Variants in RALA observed in about 807,000 individuals in gnomAD.
The protein encoded by RALA is ras-related protein Ral-A.
Under a neutral mutation model 24.0 loss-of-function variants are expected in RALA, and 5 were observed. The ratio of observed to expected loss-of-function variants is 0.21; its 90% CI spans 0.11 to 0.44. The LOEUF (loss-of-function observed/expected upper bound fraction) is 0.44, where lower values mean the gene tolerates loss of function less well. RALA is among the 20% of genes least tolerant of loss of function. RALA has a pLI of 0.99. For synonymous variants in RALA, 77 were observed against 83.8 expected, an observed-to-expected ratio of 0.92 and a Z score of 0.44; for missense variants, 95 against 241.2, an observed-to-expected ratio of 0.39 and a Z score of 4.01.
intron 1 of RALA, among the ~76,000 whole-genome samples, chr7:39,674,664 T>G (rs1792447911): frequency 2.0e-5 from 3 of 152,190 alleles, no homozygotes; most frequent in Admixed American, 2.0e-4. Flanking sequence ...TCCTAAGTGC[T>G]TGGGACCAGA....
chr7:39,680,573 CAA>C (rs746181300), intron 1 of RALA, among the ~76,000 whole-genome samples: 15 of 122,540 alleles, frequency 1.2e-4, no homozygotes, highest in Non-Finnish European at 1.6e-4. Context: ...GAGACTGTCT[CAA>C]AAAAAAAAAA....
chr7:39,702,072 A>T, intron 4 of RALA, among the ~76,000 whole-genome samples: 1 of 152,224 alleles, frequency 6.6e-6, no homozygotes, highest in East Asian at 1.9e-4. Context: ...TTTTATGTCG[A>T]GGGAAGAATT....
At chr7:39,668,160 AT>A (rs1240959140) in intron 1 of RALA, among the ~76,000 whole-genome samples, 1 of 152,220 alleles carries the variant, frequency 6.6e-6, no homozygotes, top group Non-Finnish European at 1.5e-5. Flanking sequence ...ACAATGAGAT[AT>A]TTTTCACAGT....
intron 1 of RALA, among the ~76,000 whole-genome samples, chr7:39,630,574 A>G (rs1791581449): frequency 6.6e-6 from 1 of 152,170 alleles, no homozygotes. Context: ...TTTTAGTCAT[A>G]TTCAGGAAAC....
In RALA at chr7:39,696,770, G is replaced by T; in HGVS notation, c.409G>T (p.Val137Phe). The change falls in exon 4 of 5, where the codon GTT becomes TTT. Residue 137 changes from valine to phenylalanine, a missense_variant. By Grantham distance (50) the Val-to-Phe change is conservative. Transcript: ENST00000005257. ...ATCAGATTTAGAAGATAAAAGACAG[G>T]TTTCTGTAGAAGAGGCAAAAAACAG... Reference protein sequence around the residue: ...NKSDLEDKRQVSVEEAKNRAE... With the variant: ...NKSDLEDKRQFSVEEAKNRAE... 1 of 1,613,326 alleles carries T rather than the reference G, an allele frequency of 6.2e-7. No individual in the cohort carries two copies. The highest frequency in any genetic ancestry group is 8.5e-7 in the Non-Finnish European group (1 of 1,179,354).
At chr7:39,677,947 T>C (rs1792517810) in intron 1 of RALA, among the ~76,000 whole-genome samples, 1 of 147,578 alleles carries the variant, frequency 6.8e-6, no homozygotes, top group Non-Finnish European at 1.5e-5. Context: ...AGATTCTGGA[T>C]ATTAGCCCTT....
At chr7:39,676,955 C>A (rs1792498135) in intron 1 of RALA, among the ~76,000 whole-genome samples, 1 of 151,990 alleles carries the variant, frequency 6.6e-6, no homozygotes, top group Admixed American at 6.6e-5. Context: ...CTCTGTGTGG[C>A]AAAAAGGAAT....
chr7:39,666,781 T>G (rs1332954607), intron 1 of RALA, among the ~76,000 whole-genome samples: 2 of 152,210 alleles, frequency 1.3e-5, no homozygotes, highest in Admixed American at 6.5e-5. Flanking sequence ...GTAAAAGAGC[T>G]GTAGTAAAGG....
intron 1 of RALA, among the ~76,000 whole-genome samples, chr7:39,664,177 A>G (rs956293686): frequency 6.6e-6 from 1 of 152,220 alleles, no homozygotes; most frequent in Non-Finnish European, 1.5e-5. Context: ...GCAGGAAGGA[A>G]TAGGCTAACT....
intron 1 of RALA, among the ~76,000 whole-genome samples, chr7:39,635,576 T>G (rs1449841298): frequency 4.7e-4 from 71 of 152,130 alleles, no homozygotes; most frequent in Non-Finnish European, 4.4e-5. Context: ...CCAACCTTAT[T>G]GGCACCAGGG....
intron 1 of RALA, among the ~76,000 whole-genome samples, chr7:39,656,738 G>A (rs1301639509): frequency 6.6e-6 from 1 of 152,166 alleles, no homozygotes; most frequent in Non-Finnish European, 1.5e-5. Flanking sequence ...ATGTGGAAGT[G>A]GGTACCAGTT....
intron 1 of RALA, among the ~76,000 whole-genome samples, chr7:39,661,953 C>A (rs140697377): frequency 6.6e-6 from 1 of 152,222 alleles, no homozygotes; most frequent in Non-Finnish European, 1.5e-5. Flanking sequence ...GGCAGAGGTT[C>A]CCAAACCTCA....
In RALA at chr7:39,623,843, G is replaced by C. The variant is rs1366612256; in HGVS notation, c.-38+18G>C. On this transcript the variant is annotated intron_variant, in intron 1 of 4. Transcript: ENST00000005257. This position sits in a 1 kb window ranked among gnomAD's most constrained non-coding sequence, Gnocchi z 4.9. ...CGGTGCAGGTGAGCGATGCCCGCTC[G>C]GGCCGCCCGGGGAGGGACTGGGGCC... 1.3e-5 allele frequency: 2 copies of C among 151,838 alleles called. No individual in the cohort carries two copies. Among genetic ancestry groups the C allele is most frequent in the Non-Finnish European group, 2.9e-5 (2 of 67,936 alleles). 9.4% of individuals were successfully genotyped at this position (151,838 alleles called of 1,614,324 possible). A position where few individuals can be genotyped will look rare whatever the true frequency, so the allele number is the denominator to read the frequency against.
intron 1 of RALA, among the ~76,000 whole-genome samples, chr7:39,676,010 C>G (rs1237036659): frequency 1.3e-5 from 2 of 152,266 alleles, no homozygotes; most frequent in East Asian, 3.9e-4. Flanking sequence ...CAGTCTCACT[C>G]TGTCACCCAA....
At chr7:39,703,773 C>T (rs1199576183) in intron 4 of RALA, among the ~76,000 whole-genome samples, 4 of 152,206 alleles carry the variant, frequency 2.6e-5, no homozygotes, top group Non-Finnish European at 5.9e-5. Flanking sequence ...TTTTCTCTTA[C>T]ACTGAAGATC....
chr7:39,674,439 T>G (rs1329509450), intron 1 of RALA, among the ~76,000 whole-genome samples: 1 of 152,210 alleles, frequency 6.6e-6, no homozygotes, highest in Non-Finnish European at 1.5e-5. Context: ...CCTGGTCACT[T>G]GGGTTTATTC....
At chr7:39,683,458 T>C (rs116441518) in intron 1 of RALA, among the ~76,000 whole-genome samples, 31 of 152,182 alleles carry the variant, frequency 2.0e-4, no homozygotes, top group African/African-American at 7.5e-4. Flanking sequence ...TGCTGTCTTA[T>C]TTTTTTTCAT....
intron 1 of RALA, among the ~76,000 whole-genome samples, chr7:39,663,087 T>A (rs1041276899): frequency 2.0e-5 from 3 of 152,108 alleles, no homozygotes; most frequent in Non-Finnish European, 4.4e-5. Flanking sequence ...CCCCCATGAT[T>A]CAGTTGTCTC....
At chr7:39,675,739 T>TAAA (rs752072089) in intron 1 of RALA, among the ~76,000 whole-genome samples, 6 of 116,344 alleles carry the variant, frequency 5.2e-5, no homozygotes, top group Non-Finnish European at 5.9e-5. Flanking sequence ...TCTGGGAAAT[T>TAAA]AAAAAAAAAA....
Sources: allele counts gnomAD v4.1 joint callset (sites outside exome capture counted in the v4.1 genomes callset), GRCh38; gene constraint gnomAD v4.1.1; non-coding constraint Gnocchi (gnomAD v3.1); transcripts MANE v1.5; gene names NCBI Gene and HGNC (gene_info 2026-07-23, HGNC 2026-07-21).